The following LRMDA variants were observed in gnomAD, a reference collection of about 807,000 sequenced individuals.
The protein encoded by LRMDA is leucine rich melanocyte differentiation associated.
LRMDA carries 18 observed loss-of-function variants against 29.8 expected under a neutral mutation model. The observed-to-expected ratio is 0.60, with a 90% CI of 0.42 to 0.90. LRMDA has a LOEUF of 0.90. Ranked by LOEUF, LRMDA falls within the 40% of genes least tolerant of loss-of-function variation. LRMDA has a pLI of 0.00. For synonymous variants in LRMDA, 125 were observed against 109.4 expected, an observed-to-expected ratio of 1.14 and a Z score of -0.89; for missense variants, 273 against 273.9, an observed-to-expected ratio of 1.00 and a Z score of 0.02.
intron 6 of LRMDA, among the ~76,000 whole-genome samples, chr10:76,536,881 C>T (rs968812119): frequency 7.2e-5 from 11 of 152,092 alleles, no homozygotes; most frequent in African/African-American, 2.7e-4. Flanking sequence ...GTTGTAACAG[C>T]CATTGATAAT....
chr10:76,387,649 C>T (rs1391412360), intron 6 of LRMDA, among the ~76,000 whole-genome samples: 2 of 150,880 alleles, frequency 1.3e-5, no homozygotes, highest in Admixed American at 6.6e-5. Flanking sequence ...ATTATTTAAC[C>T]CACAAAAATA....
chr10:75,709,934 ATTG>A lies in LRMDA; in HGVS notation c.131+271442_131+271444del, dbSNP rs142190192. Among the ~76,000 whole-genome samples, 27 of 152,284 alleles carry A rather than the reference ATTG, an allele frequency of 1.8e-4. No individual in the cohort carries two copies. The East Asian group carries it at 5.2e-3, about 29-fold the overall frequency. On this transcript the variant is annotated intron_variant, in intron 2 of 6. Coordinates refer to ENST00000611255, the MANE Select transcript of LRMDA (RefSeq NM_001305581.2). ...AGGGAATTTGCTTAGCTCATATCAC[ATTG>A]TACAGGCCTGTTGTGGCTGGAAGGG...
chr10:76,157,335 G>T (rs1053642760), intron 5 of LRMDA, among the ~76,000 whole-genome samples: 3 of 152,074 alleles, frequency 2.0e-5, no homozygotes, highest in African/African-American at 7.2e-5. Context: ...CTTAGAACTG[G>T]GTGCAGTGGC....
intron 2 of LRMDA, among the ~76,000 whole-genome samples, chr10:76,017,163 A>G (rs1254584306): frequency 6.6e-6 from 1 of 152,184 alleles, no homozygotes; most frequent in Non-Finnish European, 1.5e-5. Flanking sequence ...AGATGCACAC[A>G]TGTGTGGGGC....
chr10:75,648,131 G>T (rs1020236614), intron 2 of LRMDA, among the ~76,000 whole-genome samples: 1 of 152,208 alleles, frequency 6.6e-6, no homozygotes, highest in African/African-American at 2.4e-5. Context: ...GTTATATCAG[G>T]ATGTACATTA....
At chr10:75,766,629 A>T (rs1411646550) in intron 2 of LRMDA, among the ~76,000 whole-genome samples, 4 of 151,476 alleles carry the variant, frequency 2.6e-5, no homozygotes, top group African/African-American at 9.7e-5. Context: ...TTTATTTTTT[A>T]AAAATTTTAA....
intron 2 of LRMDA, among the ~76,000 whole-genome samples, chr10:75,979,038 G>A (rs924657629): frequency 6.6e-6 from 1 of 152,100 alleles, no homozygotes; most frequent in African/African-American, 2.4e-5. Context: ...CTGTAAAATG[G>A]CATTAATAAT....
intron 2 of LRMDA, among the ~76,000 whole-genome samples, chr10:75,764,712 C>G (rs1299001602): frequency 6.6e-6 from 1 of 152,186 alleles, no homozygotes; most frequent in Non-Finnish European, 1.5e-5. Context: ...GCAACTCATC[C>G]TTTTCTGCTA....
chr10:75,942,214 G>A (rs1846403899), intron 2 of LRMDA, among the ~76,000 whole-genome samples: 1 of 152,020 alleles, frequency 6.6e-6, no homozygotes, highest in Non-Finnish European at 1.5e-5. Context: ...CAAATGTGGT[G>A]ATGTGTTTGC....
chr10:75,969,187 A>G lies in LRMDA; in HGVS notation c.132-66821A>G, dbSNP rs77640623. Among the ~76,000 whole-genome samples, 722 of 152,246 alleles carry G rather than the reference A, an allele frequency of 4.7e-3. 9 individuals carry two copies. Among genetic ancestry groups the G allele is most frequent in the African/African-American group, 0.017 (690 of 41,542 alleles). On this transcript the variant is annotated intron_variant, in intron 2 of 6. Transcript: ENST00000611255. ...ATGTTGCCTTAATATCTTTAGGGGA[A>G]AATCCCACAAAGACACTTGGAGGTT...
intron 2 of LRMDA, among the ~76,000 whole-genome samples, chr10:75,504,786 G>A (rs540960406): frequency 1.3e-5 from 2 of 152,280 alleles, no homozygotes; most frequent in South Asian, 4.1e-4. Flanking sequence ...ACCACGCTGA[G>A]CCTTGTAAGG....
At chr10:75,551,245 G>C (rs984648982) in intron 2 of LRMDA, among the ~76,000 whole-genome samples, 3 of 150,596 alleles carry the variant, frequency 2.0e-5, no homozygotes, top group Non-Finnish European at 4.4e-5. Context: ...AGCAACAAAA[G>C]AAAGTGTGGT....
intron 5 of LRMDA, among the ~76,000 whole-genome samples, chr10:76,236,605 T>C (rs534990817): frequency 2.6e-5 from 4 of 152,310 alleles, no homozygotes; most frequent in South Asian, 4.2e-4. Flanking sequence ...CCCAAACTCC[T>C]TGGGGAGATG....
At chr10:76,226,791 C>G (rs1454821049) in intron 5 of LRMDA, among the ~76,000 whole-genome samples, 1 of 152,130 alleles carries the variant, frequency 6.6e-6, no homozygotes, top group Non-Finnish European at 1.5e-5. Context: ...GTGGAATCAG[C>G]CTGAAGCCCT....
chr10:76,339,288 G>C (rs910839991), intron 6 of LRMDA, among the ~76,000 whole-genome samples: 11 of 134,292 alleles, frequency 8.2e-5, no homozygotes, highest in African/African-American at 1.3e-4. Flanking sequence ...AAAAAAAAAA[G>C]TAAAAGAGGT....
At chr10:75,896,841 TTGTG>T (rs35428137) in intron 2 of LRMDA, among the ~76,000 whole-genome samples, 57 of 147,538 alleles carry the variant, frequency 3.9e-4, no homozygotes, top group South Asian at 8.9e-4. Flanking sequence ...GAGTGTGCAT[TTGTG>T]TGTGTGTGTG....
intron 2 of LRMDA, among the ~76,000 whole-genome samples, chr10:75,569,007 G>A (rs748006152): frequency 3.9e-5 from 6 of 152,126 alleles, no homozygotes; most frequent in Non-Finnish European, 7.3e-5. Context: ...TGTGGGAAGG[G>A]TGCTGGGCTC....
At chr10:76,363,344 G>A (rs1484448428) in intron 6 of LRMDA, among the ~76,000 whole-genome samples, 6 of 151,966 alleles carry the variant, frequency 3.9e-5, no homozygotes, top group African/African-American at 1.5e-4. Flanking sequence ...AAAGAAAAAA[G>A]AAGCATCCAG....
At chr10:76,205,961 C>A (rs994282102) in intron 5 of LRMDA, among the ~76,000 whole-genome samples, 1 of 152,154 alleles carries the variant, frequency 6.6e-6, no homozygotes, top group Non-Finnish European at 1.5e-5. Context: ...TTAGCATCCA[C>A]CTTTTAACAA....
Sources: allele counts gnomAD v4.1 joint callset (sites outside exome capture counted in the v4.1 genomes callset), GRCh38; gene constraint gnomAD v4.1.1; transcripts MANE v1.5; gene names NCBI Gene and HGNC (gene_info 2026-07-23, HGNC 2026-07-21).